The following HDHD3 variants were observed in gnomAD, a reference collection of about 807,000 sequenced individuals.
The protein encoded by HDHD3 is haloacid dehalogenase like hydrolase domain containing 3.
Under a neutral mutation model 6.9 loss-of-function variants are expected in HDHD3, and 6 were observed. The ratio of observed to expected loss-of-function variants is 0.87; its 90% confidence interval spans 0.48 to 1.72. The LOEUF (loss-of-function observed/expected upper bound fraction) is 1.72. Ranked by LOEUF, HDHD3 falls within the 40% of genes most tolerant of loss-of-function variation. The pLI, the probability that HDHD3 is intolerant of heterozygous loss-of-function variation, is 0.01. For synonymous variants in HDHD3, 139 were observed against 140.7 expected (o/e 0.99, Z 0.08); for missense variants, 308 against 327.4 (o/e 0.94, Z 0.46).
rs1276362527 is a variant in HDHD3, at chr9:113,374,487, G to A, written c.-133C>T. ...CAGGCCTTGTGGGTCAGATTTGCTG[G>A]CTAACATGAAGCACTTGGGAAATGT... is the stretch of plus-strand genomic sequence containing the variant. On this transcript the variant is annotated 5_prime_UTR_variant, in exon 3 of 3. Coordinates refer to ENST00000374180, the MANE Select transcript of HDHD3 (RefSeq NM_001304509.2). The A allele has an allele frequency of 4.0e-6, 3 of 750,910 alleles. No homozygotes were observed. Among genetic ancestry groups the A allele is most frequent in the Middle Eastern group, 4.1e-4 (1 of 2,462 alleles). The allele number at this position is 750,910 out of a possible 1,614,324, so 46.5% of individuals were successfully genotyped here. A position where few individuals can be genotyped will look rare whatever the true frequency, so the allele number is the denominator to read the frequency against.
In HDHD3 at chr9:113,373,536, G is replaced by T; in HGVS notation, c.*63C>A. On this transcript the variant is annotated 3_prime_UTR_variant, in exon 3 of 3. Transcript: ENST00000374180. ...GCTGTGGAGAAAGAAGGGGCTCCCT[G>T]TCTCCAGGGTTTGTTTAAGGTTTTC... is the stretch of plus-strand genomic sequence containing the variant. The T allele has an allele frequency of 6.7e-7, 1 of 1,481,544 alleles. No homozygotes were observed. The allele number at this position is 1,481,544 out of a possible 1,614,324, so 91.8% of individuals were successfully genotyped here.
chr9:113,376,354 CTTTT>C (rs11327669), intron 1 of HDHD3, among the ~76,000 whole-genome samples: 3 of 101,706 alleles, frequency 2.9e-5, no homozygotes, highest in Non-Finnish European at 5.6e-5. Context: ...GGCTTTTTTT[CTTTT>C]TTTTTTTTTT....
At position 113,373,721 on chromosome 9, in the gene HDHD3, C is replaced by T; in HGVS notation, c.634G>A (p.Val212Ile). ...ACGGGGTCCAGTGCCTGTGGGCCAA[C>T]CACCAGGAAGCTGTGCATGCCCACA... ...RAVGMHSFLV[V>I]GPQALDPVVR... Residue 212 changes from valine to isoleucine, a missense_variant, in exon 3 of 3, where the codon GTT becomes ATT. By Grantham distance (29) the Val-to-Ile change is conservative. Coordinates refer to ENST00000374180, the MANE Select transcript of HDHD3 (RefSeq NM_001304509.2). 1.2e-6 allele frequency: 2 copies of T among 1,614,054 alleles called. No individual in the cohort carries two copies. Among genetic ancestry groups the T allele is most frequent in the Non-Finnish European group, 1.7e-6 (2 of 1,179,976 alleles).
chr9:113,375,709 G>C (rs1238282652), intron 1 of HDHD3, 142 bp from the exon 2 acceptor site: 1 of 152,296 alleles, frequency 6.6e-6, no homozygotes, highest in African/African-American at 2.4e-5. Context: ...CAAGGCACAA[G>C]AAACAAGTGA....
Position 113,373,540 on chromosome 9 carries a change from C to G in HDHD3, c.*59G>C, listed in dbSNP as rs118055534. 1 of 1,490,208 alleles carries G rather than the reference C, an allele frequency of 6.7e-7. No homozygotes were observed. The highest frequency in any genetic ancestry group is 2.3e-5 in the East Asian group (1 of 43,834). 92.3% of individuals were successfully genotyped at this position (1,490,208 alleles called of 1,614,324 possible). ...TGGAGAAAGAAGGGGCTCCCTGTCT[C>G]CAGGGTTTGTTTAAGGTTTTCTCCA... is the stretch of plus-strand genomic sequence containing the variant. On this transcript the variant is annotated 3_prime_UTR_variant, in exon 3 of 3. Transcript: ENST00000374180.
chr9:113,374,174 G>A lies in HDHD3; in HGVS notation c.181C>T (p.Pro61Ser). 1.9e-6 allele frequency: 3 copies of A among 1,597,224 alleles called. No individual in the cohort carries two copies. The highest frequency in any genetic ancestry group is 1.1e-5 in the South Asian group (1 of 89,748). ...AGGCCGTGGCTCAGGCCGTAGTTGG[G>A]GAAGCTGTGGCTCTGAGCCCTGTAT... Reference protein sequence around the residue: ...QAYRAQSHSFPNYGLSHGLTS... With the variant: ...QAYRAQSHSFSNYGLSHGLTS... Residue 61 changes from proline (P) to serine (S), a missense_variant, in exon 3 of 3, where the codon CCC becomes TCC. Physicochemically the swap from Pro to Ser is moderately conservative, Grantham distance 74. Transcript: ENST00000374180.
Position 113,374,339 on chromosome 9 carries a change from G to A in HDHD3, c.16C>T (p.Gln6Ter). Reference sequence around the variant, plus strand: ...ACATCCCACGTCAGCAGTCGTATCTGCAGCCGGTGTGCCATGGAGGAGGCC... The same window carrying A: ...ACATCCCACGTCAGCAGTCGTATCTACAGCCGGTGTGCCATGGAGGAGGCC... MAHRL[Q>*]IRLLTWDVKD... Residue 6 changes from glutamine to a stop codon, truncating the protein, a stop_gained, in exon 3 of 3, where the codon CAG becomes TAG. Coordinates refer to ENST00000374180, the MANE Select transcript of HDHD3 (RefSeq NM_001304509.2). LOFTEE classifies it high-confidence loss of function. 2.6e-6 allele frequency: 4 copies of A among 1,515,438 alleles called. No homozygotes were observed. Among genetic ancestry groups the A allele is most frequent in the African/African-American group, 1.4e-5 (1 of 71,988 alleles). 93.9% of individuals were successfully genotyped at this position (1,515,438 alleles called of 1,614,324 possible).
At position 113,374,259 on chromosome 9, in the gene HDHD3, C is replaced by G. The variant is rs1370186302; in HGVS notation, c.96G>C (p.Lys32Asn). The G allele has an allele frequency of 1.3e-6, 2 of 1,598,340 alleles. No homozygotes were observed. Among genetic ancestry groups the G allele is most frequent in the Admixed American group, 3.4e-5 (2 of 58,150 alleles). ...CCACCTCCAGCCCATGGGCCCGGGC[C>G]TTGGTGGCATAGGCCTCCCCTAAGG... ...RHPLGEAYAT[K>N]ARAHGLEVEP... Residue 32 changes from lysine (K) to asparagine (N), a missense_variant, in exon 3 of 3, where the codon AAG (lysine) becomes AAC (asparagine). Physicochemically the swap from Lys to Asn is moderately conservative, Grantham distance 94. Coordinates refer to ENST00000374180, the MANE Select transcript of HDHD3 (RefSeq NM_001304509.2).
At position 113,373,698 on chromosome 9, in the gene HDHD3, G is replaced by A. The variant is rs755085963; in HGVS notation, c.657C>T (p.Pro219=). 1.1e-5 allele frequency: 18 copies of A among 1,613,894 alleles called. No homozygotes were observed. Among genetic ancestry groups the A allele is most frequent in the Admixed American group, 5.0e-5 (3 of 59,980 alleles). The change falls in exon 3 of 3, where the codon CCC becomes CCT. Residue 219 remains proline, a synonymous_variant. Transcript: ENST00000374180. ...FLVVGPQALD[P]VVRDSVPKEH... ...CTTTAGGTACAGAATCCCTGACCAC[G>A]GGGTCCAGTGCCTGTGGGCCAACCA...
chr9:113,376,332 C>T lies in HDHD3; in HGVS notation c.-291+397G>A, dbSNP rs563877631. On this transcript the variant is annotated intron_variant, in intron 1 of 2. Coordinates refer to ENST00000374180, the MANE Select transcript of HDHD3 (RefSeq NM_001304509.2). ...GTGTTAGGATTACAGGCGTGAGCCA[C>T]TATACCCGGCCGGCTTTTTTTCTTT... Among the ~76,000 whole-genome samples the T allele has an allele frequency of 4.2e-3, 556 of 133,048 alleles. 31 individuals are homozygous for T. Among genetic ancestry groups the T allele is most frequent in the South Asian group, 6.9e-3 (30 of 4,320 alleles). The allele number at this position is 133,048 out of a possible 152,430, so 87.3% of individuals were successfully genotyped here. A position where few individuals can be genotyped will look rare whatever the true frequency, so the allele number is the denominator to read the frequency against.
chr9:113,373,604 G>GCC lies in HDHD3; in HGVS notation c.749_750dup (p.Leu251GlyfsTer52), dbSNP rs749442737. 656 of 1,567,032 alleles carry GCC rather than the reference G, an allele frequency of 4.2e-4. 3 individuals are homozygous for GCC. The highest frequency in any genetic ancestry group is 5.4e-4 in the Non-Finnish European group (619 of 1,155,118). The stretch of plus-strand genomic sequence containing the variant: ...AGCCACTTCCCTCACTGGCCTCAAA[G>GCC]CCCTGGAGTTGAGCCCTCTAGGCAG... On this transcript the variant is annotated frameshift_variant, in exon 3 of 3. Coordinates refer to ENST00000374180, the MANE Select transcript of HDHD3 (RefSeq NM_001304509.2). LOFTEE classifies it high-confidence loss of function.
chr9:113,375,352 T>C (rs1834434620), intron 2 of HDHD3, 101 bp downstream of exon 2: 1 of 152,168 alleles, frequency 6.6e-6, no homozygotes, highest in Admixed American at 6.5e-5. Context: ...GCTATTATCA[T>C]TATTAGGGAT....
In HDHD3 at chr9:113,374,098, G is replaced by C; in HGVS notation, c.257C>G (p.Ala86Gly). ...TACAGCCTGAGCATCCTGGACACCC[G>C]CCAGGTGGAAGGTCTGCAGGACCAC... is the stretch of plus-strand genomic sequence containing the variant. ...LDVVLQTFHL[A>G]GVQDAQAVAP... The change falls in exon 3 of 3, where the codon GCG becomes GGG. Residue 86 changes from alanine to glycine, a missense_variant. Physicochemically the swap from Ala to Gly is moderately conservative, Grantham distance 60. Coordinates refer to ENST00000374180, the MANE Select transcript of HDHD3 (RefSeq NM_001304509.2). The C allele has an allele frequency of 6.2e-7, 1 of 1,605,894 alleles. No individual in the cohort carries two copies. The highest frequency in any genetic ancestry group is 8.5e-7 in the Non-Finnish European group (1 of 1,173,420).
At chr9:113,376,577 G>A (rs1212057285) in intron 1 of HDHD3, among the ~76,000 whole-genome samples, 152 bp downstream of exon 1, 3 of 146,794 alleles carry the variant, frequency 2.0e-5, no homozygotes, top group African/African-American at 7.7e-5. Context: ...TCGAACTCCC[G>A]AACTCGTGAT....
At chr9:113,375,830 T>G (rs988094328) in intron 1 of HDHD3, 1 of 152,140 alleles carries the variant, frequency 6.6e-6, no homozygotes, top group Non-Finnish European at 1.5e-5. Flanking sequence ...TACGGCTAAG[T>G]TGATACTTAG....
intron 1 of HDHD3, 101 bp from the exon 2 acceptor site, chr9:113,375,668 C>G (rs1834441541): frequency 6.6e-6 from 1 of 152,338 alleles, no homozygotes; most frequent in Admixed American, 6.5e-5. Context: ...ATAACACTGG[C>G]CTAGGAGGAG....
rs117546255 is a variant in HDHD3 at position 113,376,966 on chromosome 9, C to T, written c.-528G>A. The T allele has an allele frequency of 0.045, 6,897 of 152,352 alleles. 171 individuals carry two copies. The highest frequency in any genetic ancestry group is 0.055 in the Non-Finnish European group (3,775 of 68,146). 9.4% of individuals were successfully genotyped at this position (152,352 alleles called of 1,614,324 possible). On this transcript the variant is annotated 5_prime_UTR_variant, in exon 1 of 3. Transcript: ENST00000374180. Reference sequence around the variant, plus strand: ...GCAGATTGAAAACGCAGCCGCAAGGCCCGCGAGCTCGGGCGGAGGTGCGCA... The same window carrying T: ...GCAGATTGAAAACGCAGCCGCAAGGTCCGCGAGCTCGGGCGGAGGTGCGCA...
rs1834416024 is a variant in HDHD3 at position 113,374,466 on chromosome 9, C to A, written c.-112G>T. ...AACCTAACAATCACCTCTTTCCAGG[C>A]CTTGTGGGTCAGATTTGCTGGCTAA... On this transcript the variant is annotated 5_prime_UTR_variant, in exon 3 of 3. Transcript: ENST00000374180. The A allele has an allele frequency of 2.1e-6, 2 of 968,268 alleles. No homozygotes were observed. 60.0% of individuals were successfully genotyped at this position (968,268 alleles called of 1,614,324 possible). A position where few individuals can be genotyped will look rare whatever the true frequency, so the allele number is the denominator to read the frequency against.
Position 113,374,457 on chromosome 9 carries a change from C to T in HDHD3, c.-103G>A, listed in dbSNP as rs896651232. 8 of 1,057,688 alleles carry T rather than the reference C, an allele frequency of 7.6e-6. No homozygotes were observed. Among genetic ancestry groups the T allele is most frequent in the African/African-American group, 1.6e-5 (1 of 64,014 alleles). 65.5% of individuals were successfully genotyped at this position (1,057,688 alleles called of 1,614,324 possible). ...CCTCTGCGCAACCTAACAATCACCT[C>T]TTTCCAGGCCTTGTGGGTCAGATTT... On this transcript the variant is annotated 5_prime_UTR_variant, in exon 3 of 3. Transcript: ENST00000374180.
Sources: allele counts gnomAD v4.1 joint callset (sites outside exome capture counted in the v4.1 genomes callset), GRCh38; gene constraint gnomAD v4.1.1; transcripts MANE v1.5; gene names NCBI Gene and HGNC (gene_info 2026-07-23, HGNC 2026-07-21).